Variants in SETD5 observed in about 807,000 individuals in gnomAD.
SETD5 encodes histone-lysine N-methyltransferase SETD5.
A neutral mutation model predicts 153.3 loss-of-function variants in SETD5; 44 were observed. The ratio of observed to expected loss-of-function variants is 0.29; its 90% CI spans 0.23 to 0.37. SETD5 has a LOEUF of 0.37. SETD5 is among the 10% of genes least tolerant of loss of function. The pLI, the probability that SETD5 is intolerant of heterozygous loss-of-function variation, is 1.00. For synonymous variants in SETD5, 716 were observed against 645.2 expected (o/e 1.11, Z -1.66); for missense variants, 1,544 against 1,768.0 (o/e 0.87, Z 2.27).
At position 9,421,656 on chromosome 3, in the gene SETD5, A is replaced by C. The variant is rs11916933; in HGVS notation, c.-176-2811A>C. On this transcript the variant is annotated intron_variant, in intron 1 of 22. Transcript: ENST00000402198. ...GTATTTAAGAAGAAATTCAGCCTAT[A>C]TGTAACAACAAAATTTTGAATAATC... 6.6e-4 allele frequency among the ~76,000 whole-genome samples: 100 copies of C among 152,368 alleles called. 3 individuals are homozygous for C. Among genetic ancestry groups the C allele is most frequent in the African/African-American group, 2.3e-3 (94 of 41,586 alleles).
At chr3:9,398,065 C>T (rs1276438967) in intron 1 of SETD5, 88 bp downstream of exon 1, 1 of 152,400 alleles carries the variant, frequency 6.6e-6, no homozygotes, top group East Asian at 1.9e-4. Flanking sequence ...CGCGCTCGCT[C>T]TCCTTGGGTC....
intron 1 of SETD5, chr3:9,398,713 C>G (rs2034192452): frequency 6.6e-6 from 1 of 152,240 alleles, no homozygotes; most frequent in African/African-American, 2.4e-5. Context: ...TTTATGAATT[C>G]TCTTTCCCTC....
chr3:9,420,528 A>C (rs921180101), intron 1 of SETD5, among the ~76,000 whole-genome samples: 1 of 152,166 alleles, frequency 6.6e-6, no homozygotes, highest in African/African-American at 2.4e-5. Flanking sequence ...TCAAGGAATA[A>C]ACTGGTATTG....
intron 17 of SETD5, among the ~76,000 whole-genome samples, chr3:9,457,408 A>G (rs2125408471): frequency 6.6e-6 from 1 of 151,940 alleles, no homozygotes; most frequent in African/African-American, 2.4e-5. Flanking sequence ...AATAGCATGA[A>G]CCCAGGAGGC....
Position 9,473,331 on chromosome 3 carries a change from A to G in SETD5, c.3291A>G (p.Ala1097=). 1 of 1,614,010 alleles carries G rather than the reference A, an allele frequency of 6.2e-7. No individual in the cohort carries two copies. Among genetic ancestry groups the G allele is most frequent in the Non-Finnish European group, 8.5e-7 (1 of 1,179,888 alleles). Residue 1097 remains alanine, a synonymous_variant, in exon 20 of 23, where the codon GCA becomes GCG. Transcript: ENST00000402198. ...CTGCACAGAGCAAAAGCAAGTCTGC[A>G]GGAGCTGGGCAAGGCAGCAGTAACT... is the stretch of plus-strand genomic sequence containing the variant. ...GDSAQSKSKS[A]GAGQGSSNSV... is the part of the protein sequence containing the mutation.
chr3:9,431,716 A>G (rs2039986204), intron 3 of SETD5: 1 of 985,768 alleles, frequency 1.0e-6, no homozygotes. Flanking sequence ...AGACTTGCAC[A>G]TGAAGTGCAT....
chr3:9,445,465 C>G lies in SETD5; in HGVS notation c.1440+165C>G, dbSNP rs1041910118. On this transcript the variant is annotated intron_variant, in intron 12 of 22. Transcript: ENST00000402198. ...TACATTTCTTTCTGTTTTACAAAGT[C>G]AAAAACATCCTTTGCTGGTTTTGCA... is the stretch of plus-strand genomic sequence containing the variant. The G allele has an allele frequency of 9.5e-6, 9 of 946,398 alleles. No individual in the cohort carries two copies. In the African/African-American group the frequency reaches 1.2e-4, roughly 12 times the overall value. 58.6% of individuals were successfully genotyped at this position (946,398 alleles called of 1,614,324 possible). A position where few individuals can be genotyped will look rare whatever the true frequency, so the allele number is the denominator to read the frequency against.
At chr3:9,442,379 A>ATCGT in intron 10 of SETD5, 134 bp downstream of exon 10, 1 of 676,078 alleles carries the variant, frequency 1.5e-6, no homozygotes, top group East Asian at 2.7e-5. Flanking sequence ...GGAGGTGAAA[A>ATCGT]ACAAAAGTAA....
chr3:9,410,892 T>C (rs1342546046), intron 1 of SETD5, among the ~76,000 whole-genome samples: 2 of 151,618 alleles, frequency 1.3e-5, no homozygotes, highest in Admixed American at 6.6e-5. Context: ...TTTTTTTCTT[T>C]TTTTTCTTTT....
intron 17 of SETD5, among the ~76,000 whole-genome samples, chr3:9,459,505 T>C (rs964013723): frequency 2.0e-5 from 3 of 151,968 alleles, no homozygotes; most frequent in African/African-American, 7.3e-5. Flanking sequence ...GTGTGGTGGC[T>C]CACGCCTGTA....
At chr3:9,410,297 A>G (rs1477117421) in intron 1 of SETD5, among the ~76,000 whole-genome samples, 1 of 152,212 alleles carries the variant, frequency 6.6e-6, no homozygotes, top group Non-Finnish European at 1.5e-5. Context: ...ACACCTTTGT[A>G]GGGCAGCTCC....
At position 9,435,715 on chromosome 3, in the gene SETD5, C is replaced by A. The variant is rs202143504; in HGVS notation, c.389-13C>A. ...GCTATTAGTACCTGAACTATGAAAT[C>A]ATCATTTTTCAGGTGGGGATAGCAG... On this transcript the variant is annotated splice_polypyrimidine_tract_variant and intron_variant, in intron 6 of 22. Coordinates refer to ENST00000402198, the MANE Select transcript of SETD5 (RefSeq NM_001080517.3). 1.3e-6 allele frequency: 2 copies of A among 1,556,294 alleles called. No homozygotes were observed. Among genetic ancestry groups the A allele is most frequent in the Non-Finnish European group, 1.7e-6 (2 of 1,153,610 alleles).
At chr3:9,426,650 C>T (rs1000808647) in intron 2 of SETD5, among the ~76,000 whole-genome samples, 3 of 152,134 alleles carry the variant, frequency 2.0e-5, no homozygotes, top group Admixed American at 6.5e-5. Context: ...ACCTTGGCCT[C>T]CCAAAATGCT....
rs1575382780 is a variant in SETD5, at chr3:9,434,753, T to G, written c.330-71T>G. 6 of 1,532,094 alleles carry G rather than the reference T, an allele frequency of 3.9e-6. No individual in the cohort carries two copies. The East Asian group carries it at 1.4e-4, about 36-fold the overall frequency. The allele number at this position is 1,532,094 out of a possible 1,614,324, so 94.9% of individuals were successfully genotyped here. ...GAGGGGGTAGCATATGCAGAGACAC[T>G]TCGCCCATGTGTGCTATGATGTGAT... On this transcript the variant is annotated intron_variant, in intron 5 of 22. Coordinates refer to ENST00000402198, the MANE Select transcript of SETD5 (RefSeq NM_001080517.3). The surrounding 1 kb of genome is among the most constrained non-coding windows in gnomAD (Gnocchi z 5.6).
chr3:9,466,796 A>G (rs2044634182), intron 18 of SETD5, among the ~76,000 whole-genome samples: 1 of 152,176 alleles, frequency 6.6e-6, no homozygotes, highest in African/African-American at 2.4e-5. Context: ...AGGCTGAGGC[A>G]GGAGGATTGC....
At position 9,473,497 on chromosome 3, in the gene SETD5, T is replaced by G; in HGVS notation, c.3457T>G (p.Ser1153Ala). Residue 1153 changes from serine to alanine, a missense_variant, in exon 20 of 23, where the codon TCA becomes GCA. Ser to Ala is a moderately conservative substitution (Grantham distance 99). Around this residue, in one of 9 missense-constraint regions of SETD5, gnomAD observed 93 missense variants for 93.4 expected, o/e 1.00. Transcript: ENST00000402198. ...CCCATCAGATTCCAGAGGCACTTCT[T>G]CATCTCACTGCAGACCTCAAGAGAA... ...VSPSDSRGTS[S>A]SHCRPQENIS... 1 of 1,613,794 alleles carries G rather than the reference T, an allele frequency of 6.2e-7. No individual in the cohort carries two copies. Among genetic ancestry groups the G allele is most frequent in the Non-Finnish European group, 8.5e-7 (1 of 1,179,814 alleles).
At position 9,442,254 on chromosome 3, in the gene SETD5, T is replaced by C. The variant is rs1319961581; in HGVS notation, c.1077+9T>C. On this transcript the variant is annotated intron_variant, in intron 10 of 22. Coordinates refer to ENST00000402198, the MANE Select transcript of SETD5 (RefSeq NM_001080517.3). ...GTACACCAAATGCAGAGGTAAGATA[T>C]CTGTAGCAACTTCCCTTTGACTGGA... is the stretch of plus-strand genomic sequence containing the variant. 1.0e-5 allele frequency: 16 copies of C among 1,580,688 alleles called. No homozygotes were observed. The highest frequency in any genetic ancestry group is 1.3e-5 in the Non-Finnish European group (15 of 1,152,628).
Position 9,475,545 on chromosome 3 carries a change from C to G in SETD5, c.3783C>G (p.Pro1261=), listed in dbSNP as rs2045771629. ...SQSLLQQSSS[P]FRGHPTQSPG... ...GCCTCCTTCAGCAGAGTTCCTCCCCCTTCAGAGGACATCCTACACAGTCTC... is the reference window on the plus strand; with the variant it reads ...GCCTCCTTCAGCAGAGTTCCTCCCCGTTCAGAGGACATCCTACACAGTCTC... Residue 1261 remains proline (P), a synonymous_variant, in exon 23 of 23, where the codon CCC becomes CCG. Coordinates refer to ENST00000402198, the MANE Select transcript of SETD5 (RefSeq NM_001080517.3). The G allele has an allele frequency of 1.2e-6, 2 of 1,613,914 alleles. No individual in the cohort carries two copies. The highest frequency in any genetic ancestry group is 1.1e-5 in the South Asian group (1 of 91,088).
At chr3:9,450,912 A>G (rs2042551199) in intron 16 of SETD5, among the ~76,000 whole-genome samples, 1 of 152,224 alleles carries the variant, frequency 6.6e-6, no homozygotes, top group Non-Finnish European at 1.5e-5. Context: ...AACTTCTGAA[A>G]AGAAGAGGAG....
Sources: allele counts gnomAD v4.1 joint callset (sites outside exome capture counted in the v4.1 genomes callset), GRCh38; gene constraint gnomAD v4.1.1; regional missense constraint gnomAD v4.1.1; non-coding constraint Gnocchi (gnomAD v3.1); transcripts MANE v1.5; gene names NCBI Gene and HGNC (gene_info 2026-07-23, HGNC 2026-07-21).